Variants in PKNOX2 observed in about 807,000 individuals in gnomAD.
PKNOX2 encodes the protein PBX/knotted 1 homeobox 2.
In PKNOX2, 14 loss-of-function variants were observed where a neutral mutation model predicts 53.1. That is an observed-to-expected ratio of 0.26 (90% CI 0.17 to 0.41). The LOEUF (loss-of-function observed/expected upper bound fraction) is 0.41, where lower values mean the gene tolerates loss of function less well. Among genes scored for constraint, PKNOX2 ranks in the 10% least tolerant of loss-of-function variants. The probability of loss-of-function intolerance (pLI) is 1.00; values close to 1 mark genes in which losing one functional copy is unlikely to be tolerated. For synonymous variants in PKNOX2, 257 were observed against 242.8 expected, an observed-to-expected ratio of 1.06 and a Z score of -0.54; for missense variants, 496 against 602.8, an observed-to-expected ratio of 0.82 and a Z score of 1.85.
At chr11:125,389,506 G>A (rs960453420) in intron 6 of PKNOX2, among the ~76,000 whole-genome samples, 7 of 152,144 alleles carry the variant, frequency 4.6e-5, no homozygotes, top group South Asian at 2.1e-4. Context: ...GGGAAAGGCC[G>A]GCTTCATCCT....
chr11:125,263,714 G>A (rs1304885760), intron 2 of PKNOX2, among the ~76,000 whole-genome samples: 2 of 152,224 alleles, frequency 1.3e-5, no homozygotes, highest in African/African-American at 4.8e-5. Context: ...GCGTGGAGCC[G>A]AGGATGAGCC....
chr11:125,263,596 C>A (rs1945058911), intron 2 of PKNOX2, among the ~76,000 whole-genome samples: 1 of 152,230 alleles, frequency 6.6e-6, no homozygotes, highest in Non-Finnish European at 1.5e-5. Context: ...GGACTTAGCT[C>A]AGCCCAAGGG....
chr11:125,301,542 C>T (rs1565491660), intron 2 of PKNOX2, among the ~76,000 whole-genome samples: 1 of 152,012 alleles, frequency 6.6e-6, no homozygotes, highest in African/African-American at 2.4e-5. Flanking sequence ...AGGATTTCAG[C>T]TCCCCAGGAC....
intron 2 of PKNOX2, among the ~76,000 whole-genome samples, chr11:125,302,484 T>C (rs1251354196): frequency 6.6e-6 from 1 of 152,186 alleles, no homozygotes; most frequent in African/African-American, 2.4e-5. Context: ...CTGGCCCAGC[T>C]CACCTGCTGC....
chr11:125,395,090 T>A (rs1431397440), intron 6 of PKNOX2, among the ~76,000 whole-genome samples: 1 of 152,226 alleles, frequency 6.6e-6, no homozygotes, highest in Non-Finnish European at 1.5e-5. Flanking sequence ...TCTACCGCTG[T>A]CAACCACTAA....
At chr11:125,306,406 G>A (rs901742180) in intron 2 of PKNOX2, among the ~76,000 whole-genome samples, 6 of 152,132 alleles carry the variant, frequency 3.9e-5, no homozygotes, top group African/African-American at 9.7e-5. Flanking sequence ...CTACTCCCAG[G>A]CCCGCTTCTC....
chr11:125,340,862 C>T (rs906928321), intron 3 of PKNOX2, among the ~76,000 whole-genome samples: 1 of 151,942 alleles, frequency 6.6e-6, no homozygotes, highest in Non-Finnish European at 1.5e-5. Flanking sequence ...CCAGCCTGGT[C>T]AACATGGTGA....
chr11:125,417,423 G>A lies in PKNOX2; in HGVS notation c.936+5558G>A, dbSNP rs190321716. Among the ~76,000 whole-genome samples the A allele has an allele frequency of 9.7e-4, 148 of 152,096 alleles. 6 individuals carry two copies. Among genetic ancestry groups the A allele is most frequent in the African/African-American group, 3.4e-3 (139 of 41,350 alleles). On this transcript the variant is annotated intron_variant, in intron 10 of 12. Transcript: ENST00000298282. ...TCTGCATTAGCCACTGCAGCGTGCCGGGTTCTGCACTAAACACTGTAACGC... is the reference window on the plus strand; with the variant it reads ...TCTGCATTAGCCACTGCAGCGTGCCAGGTTCTGCACTAAACACTGTAACGC...
At chr11:125,341,599 T>G (rs1011323746) in intron 3 of PKNOX2, among the ~76,000 whole-genome samples, 2 of 152,124 alleles carry the variant, frequency 1.3e-5, no homozygotes, top group African/African-American at 4.8e-5. Context: ...CACAGAAACA[T>G]GCATGATGAT....
chr11:125,363,387 G>C (rs1449687134), intron 4 of PKNOX2, among the ~76,000 whole-genome samples: 1 of 152,206 alleles, frequency 6.6e-6, no homozygotes, highest in Non-Finnish European at 1.5e-5. Context: ...TACAGATTAG[G>C]AATCCAAAGA....
At chr11:125,329,114 TTGTC>T (rs773206698) in intron 2 of PKNOX2, among the ~76,000 whole-genome samples, 6 of 152,194 alleles carry the variant, frequency 3.9e-5, no homozygotes, top group African/African-American at 9.7e-5. Flanking sequence ...TGTGAAGAAT[TTGTC>T]TGAGTAATTA....
intron 2 of PKNOX2, among the ~76,000 whole-genome samples, chr11:125,265,781 G>C (rs886746607): frequency 1.5e-4 from 23 of 152,210 alleles, no homozygotes; most frequent in Non-Finnish European, 2.2e-4. Flanking sequence ...AGCAAGGAGA[G>C]AAGAAAATTC....
chr11:125,304,641 G>T (rs760958630), intron 2 of PKNOX2, among the ~76,000 whole-genome samples: 8 of 152,188 alleles, frequency 5.3e-5, no homozygotes, highest in African/African-American at 9.7e-5. Flanking sequence ...TATATCAAGA[G>T]ACTTGAAAAG....
At chr11:125,293,819 ACACT>A (rs1390716556) in intron 2 of PKNOX2, among the ~76,000 whole-genome samples, 5 of 151,942 alleles carry the variant, frequency 3.3e-5, no homozygotes, top group South Asian at 4.2e-4. Context: ...ACACTCACAC[ACACT>A]CACTCACACT....
In PKNOX2 at chr11:125,321,776, C is replaced by T. The variant is rs538027531; in HGVS notation, c.-129-10043C>T. 7.2e-5 allele frequency among the ~76,000 whole-genome samples: 11 copies of T among 152,304 alleles called. No homozygotes were observed. In the South Asian group the frequency reaches 2.3e-3, roughly 32 times the overall value. ...CTTTTGGGCTGCTGTCACAAGATAC[C>T]TTAGACTGGGTAATGTAGAAAACAC... On this transcript the variant is annotated intron_variant, in intron 2 of 12. Coordinates refer to ENST00000298282, the MANE Select transcript of PKNOX2 (RefSeq NM_001382323.2).
At chr11:125,285,926 C>T (rs1420671358) in intron 2 of PKNOX2, among the ~76,000 whole-genome samples, 2 of 152,214 alleles carry the variant, frequency 1.3e-5, no homozygotes, top group African/African-American at 4.8e-5. Context: ...CTTTGCATCT[C>T]TTCCCCCTTC....
chr11:125,310,954 A>G (rs1474508262), intron 2 of PKNOX2, among the ~76,000 whole-genome samples: 2 of 151,990 alleles, frequency 1.3e-5, no homozygotes, highest in Non-Finnish European at 2.9e-5. Flanking sequence ...CTCAATCCCT[A>G]ATTTTTTTTT....
chr11:125,329,443 T>C (rs1468792636), intron 2 of PKNOX2, among the ~76,000 whole-genome samples: 1 of 152,244 alleles, frequency 6.6e-6, no homozygotes, highest in Admixed American at 6.5e-5. Context: ...TTTTAAGAGT[T>C]AAAGAAGATA....
At chr11:125,200,237 A>C (rs1938284349) in intron 1 of PKNOX2, among the ~76,000 whole-genome samples, 1 of 152,192 alleles carries the variant, frequency 6.6e-6, no homozygotes, top group Non-Finnish European at 1.5e-5. Flanking sequence ...TGAAGAAATA[A>C]GGCAAAGGGA....
Sources: allele counts gnomAD v4.1 joint callset (sites outside exome capture counted in the v4.1 genomes callset), GRCh38; gene constraint gnomAD v4.1.1; transcripts MANE v1.5; gene names NCBI Gene and HGNC (gene_info 2026-07-23, HGNC 2026-07-21).